KCNMA1: variants seen among roughly 807,000 people sequenced by gnomAD.
KCNMA1 encodes Calcium-activated potassium channel subunit alpha-1.
A neutral mutation model predicts 140.0 loss-of-function variants in KCNMA1; 29 were observed. The observed-to-expected ratio is 0.21, with a 90% CI of 0.15 to 0.28. The LOEUF is 0.28. Ranked by LOEUF, KCNMA1 falls within the 10% of genes least tolerant of loss-of-function variation. The probability of loss-of-function intolerance (pLI) is 1.00; values close to 1 mark genes in which losing one functional copy is unlikely to be tolerated. For missense variants in KCNMA1, 880 were observed against 1,602.2 expected (o/e 0.55, Z 7.70); for synonymous variants, 612 against 611.9 (o/e 1.00, Z 0.00).
intron 1 of KCNMA1, among the ~76,000 whole-genome samples, chr10:77,520,904 C>T (rs947193842): frequency 6.6e-6 from 1 of 152,224 alleles, no homozygotes; most frequent in African/African-American, 2.4e-5. Context: ...GGTACCTCTT[C>T]TCCTAACAAC....
Position 77,634,366 on chromosome 10 carries a change from T to G in KCNMA1, c.378+2899A>C, listed in dbSNP as rs2093522401. On this transcript the variant is annotated intron_variant, in intron 1 of 27. Coordinates refer to ENST00000286628, the MANE Select transcript of KCNMA1 (RefSeq NM_001161352.2). Reference sequence around the variant, plus strand: ...TTCTGAAAAAGTCCACATGCCACTCTTTTCAAAAGACTAAAGTCATTCACT... The same window carrying G: ...TTCTGAAAAAGTCCACATGCCACTCGTTTCAAAAGACTAAAGTCATTCACT... The G allele has an allele frequency of 4.1e-6, 4 of 985,370 alleles. No homozygotes were observed. In the South Asian group the frequency reaches 1.4e-4, roughly 35 times the overall value. The allele number at this position is 985,370 out of a possible 1,614,324, so 61.0% of individuals were successfully genotyped here. A position where few individuals can be genotyped will look rare whatever the true frequency, so the allele number is the denominator to read the frequency against.
chr10:77,266,287 T>A (rs1288331718), intron 2 of KCNMA1, among the ~76,000 whole-genome samples: 5 of 152,180 alleles, frequency 3.3e-5, no homozygotes, highest in Admixed American at 3.3e-4. Context: ...AATGTCCACA[T>A]GACTTCCAAA....
chr10:76,883,595 G>A (rs1006284032), downstream of KCNMA1, among the ~76,000 whole-genome samples: 1 of 152,160 alleles, frequency 6.6e-6, no homozygotes, highest in Admixed American at 6.5e-5. Context: ...AAAGCCCAAA[G>A]CAAGTTGGAC....
At chr10:77,336,034 T>C (rs747538050) in intron 2 of KCNMA1, among the ~76,000 whole-genome samples, 3 of 152,060 alleles carry the variant, frequency 2.0e-5, no homozygotes, top group African/African-American at 7.2e-5. Context: ...AAAATAGTAA[T>C]GCATACAGCA....
At chr10:76,880,677 G>C (rs774102828), downstream of KCNMA1, among the ~76,000 whole-genome samples, 19 of 152,192 alleles carry the variant, frequency 1.2e-4, no homozygotes, top group Non-Finnish European at 2.8e-4. Context: ...TTGATGTATT[G>C]AATCTTGCCT....
At chr10:77,298,189 G>A (rs185445508) in intron 2 of KCNMA1, among the ~76,000 whole-genome samples, 2 of 152,236 alleles carry the variant, frequency 1.3e-5, no homozygotes, top group Admixed American at 6.5e-5. Context: ...CCTGGGGAAC[G>A]GGCTAATGAG....
chr10:77,210,754 T>C (rs893917569), intron 3 of KCNMA1, among the ~76,000 whole-genome samples: 10 of 152,308 alleles, frequency 6.6e-5, no homozygotes, highest in African/African-American at 2.4e-4. Flanking sequence ...ATCAGTAGCA[T>C]TTCTACACAC....
chr10:77,271,452 C>A (rs762288857), intron 2 of KCNMA1, among the ~76,000 whole-genome samples: 1 of 152,188 alleles, frequency 6.6e-6, no homozygotes, highest in Non-Finnish European at 1.5e-5. Flanking sequence ...AGGGCTAGAA[C>A]AGCATAACTA....
chr10:76,886,335 C>T lies in KCNMA1; in HGVS notation c.*931G>A. ...TCTGTACATAAGGTAAGTAATTCAC[C>T]TTTTAAAAGATGTAAAAGTCCCAGG... is the stretch of plus-strand genomic sequence containing the variant. On this transcript the variant is annotated 3_prime_UTR_variant, in exon 28 of 28. Coordinates refer to ENST00000286628, the MANE Select transcript of KCNMA1 (RefSeq NM_001161352.2). 1.0e-6 allele frequency: 1 copy of T among 985,198 alleles called. No homozygotes were observed. Among genetic ancestry groups the T allele is most frequent in the Non-Finnish European group, 1.2e-6 (1 of 829,818 alleles). The allele number at this position is 985,198 out of a possible 1,614,324, so 61.0% of individuals were successfully genotyped here.
At position 77,543,970 on chromosome 10, in the gene KCNMA1, G is replaced by C. The variant is rs1051079532; in HGVS notation, c.378+93295C>G. ...ATAACCTTGATGAGCTCTTCTAAAAGATATCCATTTCAATGAAGACATATT... is the reference window on the plus strand; with the variant it reads ...ATAACCTTGATGAGCTCTTCTAAAACATATCCATTTCAATGAAGACATATT... On this transcript the variant is annotated intron_variant, in intron 1 of 27. Transcript: ENST00000286628. Among the ~76,000 whole-genome samples, 4 of 152,076 alleles carry C rather than the reference G, an allele frequency of 2.6e-5. No homozygotes were observed. The South Asian group carries it at 8.3e-4, about 32-fold the overall frequency.
At chr10:76,962,936 G>T (rs1320120109) in intron 20 of KCNMA1, among the ~76,000 whole-genome samples, 1 of 152,126 alleles carries the variant, frequency 6.6e-6, no homozygotes, top group Non-Finnish European at 1.5e-5. Flanking sequence ...GAACAATCAG[G>T]GTTCTTGCAT....
chr10:76,945,391 G>A (rs749530189), intron 22 of KCNMA1, among the ~76,000 whole-genome samples: 7 of 152,074 alleles, frequency 4.6e-5, no homozygotes, highest in South Asian at 2.1e-4. Flanking sequence ...ATTTAATAGC[G>A]GGTCACTTCT....
intron 1 of KCNMA1, among the ~76,000 whole-genome samples, chr10:77,478,932 AATGTT>A (rs2098332314): frequency 6.6e-6 from 1 of 152,242 alleles, no homozygotes. Context: ...CTGATAACGT[AATGTT>A]AAGAAGAAAA....
intron 1 of KCNMA1, among the ~76,000 whole-genome samples, chr10:77,504,402 G>T (rs980589197): frequency 2.6e-5 from 4 of 152,160 alleles, no homozygotes; most frequent in Non-Finnish European, 5.9e-5. Context: ...GGAAGGCAGT[G>T]ATGGGGAACC....
At chr10:77,315,364 G>A (rs1165037438) in intron 2 of KCNMA1, 1 of 152,216 alleles carries the variant, frequency 6.6e-6, no homozygotes, top group Non-Finnish European at 1.5e-5. Flanking sequence ...GTCTCGTACA[G>A]AGCATGCTGA....
chr10:77,358,294 C>G lies in KCNMA1; in HGVS notation c.540+45568G>C, dbSNP rs376413610. The stretch of plus-strand genomic sequence containing the variant: ...AGGAAACTCTCAGGATTAGACCAGT[C>G]TTTTTCTGCTAGTGGTCTTTGATAA... On this transcript the variant is annotated intron_variant, in intron 2 of 27. Transcript: ENST00000286628. Among the ~76,000 whole-genome samples, 9 of 152,136 alleles carry G rather than the reference C, an allele frequency of 5.9e-5. No individual in the cohort carries two copies. The East Asian group carries it at 1.7e-3, about 29-fold the overall frequency.
At chr10:77,211,236 G>A (rs867096545) in intron 3 of KCNMA1, among the ~76,000 whole-genome samples, 60 of 152,174 alleles carry the variant, frequency 3.9e-4, no homozygotes, top group African/African-American at 1.4e-3. Context: ...AAACAGCATG[G>A]TATTGGTAAA....
intron 3 of KCNMA1, among the ~76,000 whole-genome samples, chr10:77,239,743 T>G (rs1181256832): frequency 6.6e-6 from 1 of 152,208 alleles, no homozygotes; most frequent in Non-Finnish European, 1.5e-5. Flanking sequence ...AGTGATGAAG[T>G]TGTAGCCTAG....
At chr10:76,907,433 A>G (rs7069982) in intron 25 of KCNMA1, among the ~76,000 whole-genome samples, 117,451 of 152,182 alleles carry the variant, frequency 0.77, 45,590 homozygotes, top group Middle Eastern at 0.84. Flanking sequence ...GAAGTTCTCC[A>G]GTGCTCAAAC....
Sources: gnomAD v4.1 joint callset for allele counts (sites outside exome capture counted in the v4.1 genomes callset) on GRCh38, gnomAD v4.1.1 for gene constraint, MANE v1.5 for transcripts, NCBI Gene and HGNC (gene_info 2026-07-23, HGNC 2026-07-21) for gene names.